SPRY3: variants seen among roughly 807,000 people sequenced by gnomAD.
SPRY3 encodes the protein sprouty RTK signaling antagonist 3, also known as protein sprouty homolog 3.
Under a neutral mutation model 20.2 loss-of-function variants are expected in SPRY3, and 15 were observed. The observed-to-expected ratio is 0.74, with a 90% confidence interval of 0.50 to 1.14. SPRY3 has a LOEUF of 1.14. Among genes scored for constraint, SPRY3 ranks in the 50% most tolerant of loss-of-function variants. The pLI is 0.00. For synonymous variants in SPRY3, 143 were observed against 136.5 expected (o/e 1.05, Z -0.33); for missense variants, 364 against 363.9 (o/e 1.00, Z 0.00).
rs187530593 is a variant in SPRY3, at chrX:155,719,476, C to G, written c.-281-48486C>G. Among the ~76,000 whole-genome samples the G allele has an allele frequency of 4.6e-5, 7 of 152,202 alleles. No individual in the cohort carries two copies. The East Asian group carries it at 9.7e-4, about 21-fold the overall frequency. ...GGGGAGCGTGTGACCTACTGAGACA[C>G]CAGCTGAGGCAGCTAAGGGAGTGCT... On this transcript the variant is annotated intron_variant, in intron 2 of 3. Transcript: ENST00000675360.
intron 1 of SPRY3, among the ~76,000 whole-genome samples, chrX:155,635,192 C>G (rs1372439447): frequency 2.7e-5 from 3 of 110,909 alleles, no homozygotes; most frequent in African/African-American, 9.9e-5. Flanking sequence ...CAGCTTCATC[C>G]ATCTCCCTGC....
chrX:155,692,391 C>T (rs898827647), intron 2 of SPRY3, among the ~76,000 whole-genome samples: 1 of 111,364 alleles, frequency 9.0e-6, no homozygotes, highest in African/African-American at 3.3e-5. Flanking sequence ...TTTCAGTGAC[C>T]TATATGTCTA....
At chrX:155,731,335 GA>G (rs2091130752) in intron 2 of SPRY3, among the ~76,000 whole-genome samples, 2 of 151,964 alleles carry the variant, frequency 1.3e-5, no homozygotes, top group Admixed American at 6.6e-5. Flanking sequence ...GAACAAAATA[GA>G]AAAGTCAGAA....
chrX:155,747,608 A>C (rs1264658328), intron 2 of SPRY3, among the ~76,000 whole-genome samples: 1 of 151,906 alleles, frequency 6.6e-6, no homozygotes, highest in Admixed American at 6.6e-5. Context: ...TTCTCCTATT[A>C]CATTAATAAT....
rs189382622 is a variant in SPRY3 at position 155,727,802 on chromosome X, C to A, written c.-281-40160C>A. ...CCAACCTTCTGAAGCCTACTTCTGTCAACTCGTCAAAGTCTTTTTCCGTCC... is the reference window on the plus strand; with the variant it reads ...CCAACCTTCTGAAGCCTACTTCTGTAAACTCGTCAAAGTCTTTTTCCGTCC... On this transcript the variant is annotated intron_variant, in intron 2 of 3. Coordinates refer to ENST00000675360, the Ensembl canonical transcript of SPRY3. Among the ~76,000 whole-genome samples the A allele has an allele frequency of 1.5e-3, 231 of 152,252 alleles. 2 individuals carry two copies. Among genetic ancestry groups the A allele is most frequent in the African/African-American group, 5.3e-3 (221 of 41,554 alleles).
At chrX:155,773,727 G>A in intron 3 of SPRY3, 39 bp from the exon 3 acceptor site, 2 of 922,486 alleles carry the variant, frequency 2.2e-6, no homozygotes, top group East Asian at 4.8e-5. Flanking sequence ...ACTTATGCCT[G>A]TGTGTTCTCA....
chrX:155,672,291 G>A (rs35283061), intron 2 of SPRY3, among the ~76,000 whole-genome samples: 27 of 109,928 alleles, frequency 2.5e-4, no homozygotes, highest in East Asian at 1.7e-3. Flanking sequence ...TACAAAATGC[G>A]AGAAAATTTT....
chrX:155,768,658 C>A (rs760775867), intron 3 of SPRY3, among the ~76,000 whole-genome samples: 5 of 152,262 alleles, frequency 3.3e-5, no homozygotes, highest in African/African-American at 7.2e-5. Flanking sequence ...CAGAACCCCC[C>A]ACTTACATTG....
intron 1 of SPRY3, among the ~76,000 whole-genome samples, chrX:155,623,024 G>A (rs782494851): frequency 8.9e-6 from 1 of 111,856 alleles, no homozygotes; most frequent in African/African-American, 3.2e-5. Flanking sequence ...AGGCCAAACA[G>A]AATCCTATAT....
chrX:155,781,267 GA>G (rs1246779784), downstream of SPRY3: 2 of 166,960 alleles, frequency 1.2e-5, no homozygotes, highest in Non-Finnish European at 2.9e-5. Flanking sequence ...CTCTCCTTCA[GA>G]GAGAAATACC....
At chrX:155,662,976 C>T (rs2068014999) in intron 2 of SPRY3, among the ~76,000 whole-genome samples, 2 of 111,846 alleles carry the variant, frequency 1.8e-5, no homozygotes, top group African/African-American at 6.5e-5. Flanking sequence ...TACCTATGAG[C>T]ACCAGATTTC....
chrX:155,613,250 T>C (rs963075327), intron 1 of SPRY3, among the ~76,000 whole-genome samples: 11 of 111,871 alleles, frequency 9.8e-5, no homozygotes, highest in African/African-American at 3.6e-4. Flanking sequence ...TCTACTACCT[T>C]TCCACCATTT....
intron 2 of SPRY3, among the ~76,000 whole-genome samples, chrX:155,730,773 C>T (rs1180355530): frequency 2.0e-5 from 3 of 151,978 alleles, no homozygotes; most frequent in African/African-American, 4.8e-5. Context: ...CTAAAGACTC[C>T]ACCAGAAACC....
intron 1 of SPRY3, among the ~76,000 whole-genome samples, chrX:155,638,999 G>A (rs1255749665): frequency 9.0e-6 from 1 of 111,164 alleles, no homozygotes; most frequent in Non-Finnish European, 1.9e-5. Context: ...ATCTCTACAG[G>A]ACTCACTCCT....
Position 155,691,393 on chromosome X carries a change from G to A in SPRY3, c.-282+34368G>A, listed in dbSNP as rs1243932995. ...TCTGGAATACACAGCATTCCTACAC[G>A]TGATGTTAACATTATTTTCAAACAA... On this transcript the variant is annotated intron_variant, in intron 2 of 3. Transcript: ENST00000675360. 4.6e-5 allele frequency among the ~76,000 whole-genome samples: 4 copies of A among 87,902 alleles called. 1 individual carries two copies. In the East Asian group the frequency reaches 1.3e-3, roughly 29 times the overall value. 76.3% of individuals were successfully genotyped at this position (87,902 alleles called of 115,157 possible).
intron 2 of SPRY3, among the ~76,000 whole-genome samples, chrX:155,706,603 A>C (rs1473847040): frequency 6.7e-6 from 1 of 148,422 alleles, no homozygotes; most frequent in African/African-American, 2.5e-5. Context: ...AGCCAGAATG[A>C]TCAAGAAAAA....
chrX:155,752,374 C>T (rs1299956085), intron 2 of SPRY3, among the ~76,000 whole-genome samples: 3 of 150,760 alleles, frequency 2.0e-5, no homozygotes, highest in Admixed American at 1.3e-4. Flanking sequence ...GCTATAATTC[C>T]ATAATGGAAA....
rs1158325404 is a variant in SPRY3, at chrX:155,700,631, T to A, written c.-282+43606T>A. On this transcript the variant is annotated intron_variant, in intron 2 of 3. Coordinates refer to ENST00000675360, the Ensembl canonical transcript of SPRY3. ...GAATGAAGTTCTTTTTTTTTTTTTT[T>A]TTATTATACTCTAAGTTTTAGGGTA... Among the ~76,000 whole-genome samples the A allele has an allele frequency of 1.6e-4, 13 of 83,722 alleles. 1 individual carries two copies. Among genetic ancestry groups the A allele is most frequent in the Admixed American group, 3.8e-4 (3 of 7,897 alleles). The allele number at this position is 83,722 out of a possible 115,157, so 72.7% of individuals were successfully genotyped here.
intron 2 of SPRY3, among the ~76,000 whole-genome samples, chrX:155,713,567 C>T (rs1454346587): frequency 3.9e-5 from 6 of 152,138 alleles, no homozygotes; most frequent in Admixed American, 3.3e-4. Context: ...AGTCTGCTGC[C>T]AGACATATTG....
Sources: gnomAD v4.1 joint callset for allele counts (sites outside exome capture counted in the v4.1 genomes callset) on GRCh38, gnomAD v4.1.1 for gene constraint, MANE v1.5 for transcripts, NCBI Gene and HGNC (gene_info 2026-07-23, HGNC 2026-07-21) for gene names.